The following TCP10L variants were observed in gnomAD, a reference collection of about 807,000 sequenced individuals.
The protein encoded by TCP10L is T-complex protein 10A homolog 1.
TCP10L carries 11 observed loss-of-function variants against 19.2 expected under a neutral mutation model. The ratio of observed to expected loss-of-function variants is 0.57; its 90% CI spans 0.36 to 0.95. The LOEUF (loss-of-function observed/expected upper bound fraction) is 0.95, where lower values mean the gene tolerates loss of function less well. Ranked by LOEUF, TCP10L falls within the 40% of genes least tolerant of loss-of-function variation. TCP10L has a pLI of 0.01. For synonymous variants in TCP10L, 96 were observed against 97.2 expected, an observed-to-expected ratio of 0.99 and a Z score of 0.07; for missense variants, 247 against 263.9, an observed-to-expected ratio of 0.94 and a Z score of 0.44.
In TCP10L at chr21:32,578,923, G is replaced by GA. The variant is rs1386369254; in HGVS notation, c.361-93dup. 5 of 1,584,254 alleles carry GA rather than the reference G, an allele frequency of 3.2e-6. No homozygotes were observed. Among genetic ancestry groups the GA allele is most frequent in the Non-Finnish European group, 4.3e-6 (5 of 1,165,592 alleles). On this transcript the variant is annotated intron_variant, in intron 3 of 4. Coordinates refer to ENST00000300258, the MANE Select transcript of TCP10L (RefSeq NM_144659.7). The surrounding 1 kb of genome is among the most constrained non-coding windows in gnomAD (Gnocchi z 4.2). ...AATGAAGAATAATTGGAATGTCCTA[G>GA]AAAAAAATAGGGTACAAGGTAGGGG...
At position 32,578,686 on chromosome 21, in the gene TCP10L, AG is replaced by A; in HGVS notation, c.498+7del. 6.2e-7 allele frequency: 1 copy of A among 1,612,642 alleles called. No individual in the cohort carries two copies. The highest frequency in any genetic ancestry group is 8.5e-7 in the Non-Finnish European group (1 of 1,179,524). On this transcript the variant is annotated splice_region_variant and intron_variant, in intron 4 of 4. Transcript: ENST00000300258. This position sits in a 1 kb window ranked among gnomAD's most constrained non-coding sequence, Gnocchi z 4.2. The stretch of plus-strand genomic sequence containing the variant: ...TTCTCTTTACAGATGATAAGCACAA[AG>A]GGTCACCTTTGGAGGAGCTGAATTG...
Position 32,582,578 on chromosome 21 carries a change from T to TG in TCP10L, c.145-164_145-163insC, listed in dbSNP as rs2038508228. ...ACTACCACAGCCTTTTTCTTTCTTC[T>TG]TTCTTTCCTTTCTTTCTTTCTTTTC... On this transcript the variant is annotated intron_variant, in intron 2 of 4. Transcript: ENST00000300258. The surrounding 1 kb of genome is among the most constrained non-coding windows in gnomAD (Gnocchi z 4.2). 3.1e-6 allele frequency: 2 copies of TG among 638,380 alleles called. No individual in the cohort carries two copies. Among genetic ancestry groups the TG allele is most frequent in the South Asian group, 2.2e-5 (1 of 45,250 alleles). The allele number at this position is 638,380 out of a possible 1,614,324, so 39.5% of individuals were successfully genotyped here.
Position 32,578,544 on chromosome 21 carries a change from T to C in TCP10L, c.498+150A>G. The C allele has an allele frequency of 2.5e-6, 3 of 1,208,202 alleles. No homozygotes were observed. Among genetic ancestry groups the C allele is most frequent in the Non-Finnish European group, 3.5e-6 (3 of 859,716 alleles). The allele number at this position is 1,208,202 out of a possible 1,614,324, so 74.8% of individuals were successfully genotyped here. A position where few individuals can be genotyped will look rare whatever the true frequency, so the allele number is the denominator to read the frequency against. ...GGGTTAGGATCTTGTTTGAAAGGCATGTACCCGTGTCCTTGGAAGAACACA... is the reference window on the plus strand; with the variant it reads ...GGGTTAGGATCTTGTTTGAAAGGCACGTACCCGTGTCCTTGGAAGAACACA... On this transcript the variant is annotated intron_variant, in intron 4 of 4. Transcript: ENST00000300258. The surrounding 1 kb of genome is among the most constrained non-coding windows in gnomAD (Gnocchi z 4.2).
intron 3 of TCP10L, among the ~76,000 whole-genome samples, chr21:32,581,821 G>T (rs919058532): frequency 2.6e-5 from 4 of 152,188 alleles, no homozygotes; most frequent in Non-Finnish European, 5.9e-5. Context: ...GATGGGGTTA[G>T]TAATAGGATC....
chr21:32,576,570 G>T lies in TCP10L; in HGVS notation c.*204C>A. ...TGATTTATAAAACCCAATCCAAGTTGTTTGCTTTTATAGCATTAGAGACAT... is the reference window on the plus strand; with the variant it reads ...TGATTTATAAAACCCAATCCAAGTTTTTTGCTTTTATAGCATTAGAGACAT... On this transcript the variant is annotated 3_prime_UTR_variant, in exon 5 of 5. Transcript: ENST00000300258. 1.6e-6 allele frequency: 1 copy of T among 634,762 alleles called. No individual in the cohort carries two copies. The highest frequency in any genetic ancestry group is 2.6e-6 in the Non-Finnish European group (1 of 377,416). 39.3% of individuals were successfully genotyped at this position (634,762 alleles called of 1,614,324 possible).
Position 32,582,455 on chromosome 21 carries a change from G to A in TCP10L, c.145-40C>T, listed in dbSNP as rs1485420994. The stretch of plus-strand genomic sequence containing the variant: ...AGAACACCAGAAAAACCTCTCAGAT[G>A]TCACAATGGGCACATTTATCTGCAA... On this transcript the variant is annotated intron_variant, in intron 2 of 4. Coordinates refer to ENST00000300258, the MANE Select transcript of TCP10L (RefSeq NM_144659.7). This position sits in a 1 kb window ranked among gnomAD's most constrained non-coding sequence, Gnocchi z 4.2. The A allele has an allele frequency of 3.2e-6, 5 of 1,576,154 alleles. No individual in the cohort carries two copies. The highest frequency in any genetic ancestry group is 4.3e-6 in the Non-Finnish European group (5 of 1,159,398).
chr21:32,585,280 G>A (rs1353271707), intron 1 of TCP10L, 141 bp downstream of exon 1: 4 of 263,496 alleles, frequency 1.5e-5, no homozygotes, highest in Admixed American at 4.5e-5. Context: ...CTGGGGTCAC[G>A]GTCCTCACAG....
intron 1 of TCP10L, among the ~76,000 whole-genome samples, chr21:32,584,657 G>A (rs917289497): frequency 3.3e-5 from 5 of 152,140 alleles, no homozygotes; most frequent in African/African-American, 1.2e-4. Flanking sequence ...GGATATGAGC[G>A]GAATGTGAAT....
In TCP10L at chr21:32,576,609, C is replaced by T; in HGVS notation, c.*165G>A. ...CATTAGAGACATGTCTGAAGAACTTCAAGTTTTTATCTATAGAAACATAAT... is the reference window on the plus strand; with the variant it reads ...CATTAGAGACATGTCTGAAGAACTTTAAGTTTTTATCTATAGAAACATAAT... On this transcript the variant is annotated 3_prime_UTR_variant, in exon 5 of 5. Coordinates refer to ENST00000300258, the MANE Select transcript of TCP10L (RefSeq NM_144659.7). 1 of 786,642 alleles carries T rather than the reference C, an allele frequency of 1.3e-6. No homozygotes were observed. 48.7% of individuals were successfully genotyped at this position (786,642 alleles called of 1,614,324 possible). A position where few individuals can be genotyped will look rare whatever the true frequency, so the allele number is the denominator to read the frequency against.
rs1021042421 is a variant in TCP10L, at chr21:32,578,638, GTGTT to G, written c.498+52_498+55del. ...GTGGTGAGGAGCTGATGGGATGTGT[GTGTT>G]TGGGTACAGAACCTCTGCTTCTCTT... On this transcript the variant is annotated intron_variant, in intron 4 of 4. Transcript: ENST00000300258. This position sits in a 1 kb window ranked among gnomAD's most constrained non-coding sequence, Gnocchi z 4.2. 9.7e-5 allele frequency: 153 copies of G among 1,578,858 alleles called. No individual in the cohort carries two copies. The highest frequency in any genetic ancestry group is 1.1e-4 in the Non-Finnish European group (131 of 1,163,534).
At chr21:32,579,946 G>A (rs1601123689) in intron 3 of TCP10L, among the ~76,000 whole-genome samples, 1 of 152,104 alleles carries the variant, frequency 6.6e-6, no homozygotes, top group Admixed American at 6.6e-5. Context: ...AGAAGGACTC[G>A]GCGCTTTGCT....
intron 3 of TCP10L, among the ~76,000 whole-genome samples, chr21:32,580,810 C>T (rs2038485349): frequency 6.6e-6 from 1 of 152,180 alleles, no homozygotes; most frequent in South Asian, 2.1e-4. Context: ...TGTGATCAAA[C>T]GTGAAAGCTC....
rs1047786879 is a variant in TCP10L at position 32,575,777 on chromosome 21, C to T, written c.*997G>A. On this transcript the variant is annotated 3_prime_UTR_variant, in exon 5 of 5. Transcript: ENST00000300258. ...CCCGCAATGCAGGAAGCACCCACAG[C>T]TGCATGGACAGAACTGGGGCCTGGG... is the stretch of plus-strand genomic sequence containing the variant. 9 of 153,934 alleles carry T rather than the reference C, an allele frequency of 5.8e-5. No homozygotes were observed. Among genetic ancestry groups the T allele is most frequent in the African/African-American group, 2.2e-4 (9 of 41,494 alleles). The allele number at this position is 153,934 out of a possible 1,614,324, so 9.5% of individuals were successfully genotyped here.
At chr21:32,577,098 C>T (rs1256552222) in intron 4 of TCP10L, among the ~76,000 whole-genome samples, 175 bp from the exon 5 acceptor site, 1 of 152,208 alleles carries the variant, frequency 6.6e-6, no homozygotes, top group Admixed American at 6.5e-5. Flanking sequence ...TTACAGCCCA[C>T]GCTCTTGTGA....
chr21:32,576,803 G>C lies in TCP10L; in HGVS notation c.619C>G (p.Pro207Ala). The C allele has an allele frequency of 6.2e-7, 1 of 1,614,080 alleles. No homozygotes were observed. Among genetic ancestry groups the C allele is most frequent in the East Asian group, 2.2e-5 (1 of 44,886 alleles). Residue 207 changes from proline to alanine, a missense_variant, in exon 5 of 5, where the codon CCC becomes GCC. Pro to Ala is a conservative substitution (Grantham distance 27, BLOSUM62 -1). Transcript: ENST00000300258. Reference sequence around the variant, plus strand: ...ACACCCCCCCGTCTCTCTGCACAGGGAGTTGGCCTTCCAGTAGGTGTTGCT... The same window carrying C: ...ACACCCCCCCGTCTCTCTGCACAGGCAGTTGGCCTTCCAGTAGGTGTTGCT... ...RRATPTGRPTPCAERRGGV is the reference protein window; with the variant it reads ...RRATPTGRPTACAERRGGV
At chr21:32,579,692 G>GCATGTGAA (rs2146525718) in intron 3 of TCP10L, among the ~76,000 whole-genome samples, 1 of 152,262 alleles carries the variant, frequency 6.6e-6, no homozygotes, top group African/African-American at 2.4e-5. Context: ...AAACTGCAGG[G>GCATGTGAA]CATGTGAAGA....
chr21:32,579,422 G>A (rs1445578889), intron 3 of TCP10L, among the ~76,000 whole-genome samples: 7 of 152,188 alleles, frequency 4.6e-5, no homozygotes, highest in African/African-American at 1.7e-4. Flanking sequence ...CACCCACACA[G>A]CCATGCCCGC....
intron 3 of TCP10L, among the ~76,000 whole-genome samples, chr21:32,580,466 C>T (rs1030207520): frequency 3.9e-5 from 5 of 128,268 alleles, no homozygotes; most frequent in East Asian, 4.5e-4. Context: ...GGAATGTATT[C>T]GGTGGGTGCC....
chr21:32,580,476 CTGTGTGTGTGTG>C (rs3056366), intron 3 of TCP10L, among the ~76,000 whole-genome samples: 16 of 137,318 alleles, frequency 1.2e-4, no homozygotes, highest in Admixed American at 2.2e-4. Flanking sequence ...CGGTGGGTGC[CTGTGTGTGTGTG>C]TGTGTGTGTG....
Sources: gnomAD v4.1 joint callset for allele counts (sites outside exome capture counted in the v4.1 genomes callset) on GRCh38, gnomAD v4.1.1 for gene constraint, Gnocchi (gnomAD v3.1) non-coding constraint, MANE v1.5 for transcripts, NCBI Gene and HGNC (gene_info 2026-07-23, HGNC 2026-07-21) for gene names.